The following VPS35L variants were observed in gnomAD, a reference collection of about 807,000 sequenced individuals.
VPS35L encodes VPS35 endosomal protein sorting factor like, also known as VPS35 endosomal protein-sorting factor-like.
A neutral mutation model predicts 133.0 loss-of-function variants in VPS35L; 83 were observed. The observed-to-expected ratio is 0.62, with a 90% CI of 0.52 to 0.75. The LOEUF is 0.75. Ranked by LOEUF, VPS35L falls within the 30% of genes least tolerant of loss-of-function variation. The pLI is 0.00. For synonymous variants in VPS35L, 423 were observed against 449.9 expected, an observed-to-expected ratio of 0.94 and a Z score of 0.76; for missense variants, 1,083 against 1,206.8, an observed-to-expected ratio of 0.90 and a Z score of 1.52.
intron 14 of VPS35L, among the ~76,000 whole-genome samples, chr16:19,622,097 C>G (rs1230193648): frequency 1.3e-5 from 2 of 150,256 alleles, no homozygotes; most frequent in Non-Finnish European, 1.5e-5. Context: ...ATAGTCATCC[C>G]TTGGTATACT....
intron 9 of VPS35L, among the ~76,000 whole-genome samples, chr16:19,603,705 G>A (rs1308098060): frequency 6.6e-6 from 1 of 152,160 alleles, no homozygotes; most frequent in African/African-American, 2.4e-5. Context: ...CCGCTGGCTT[G>A]AGGATTTGGG....
chr16:19,608,101 T>C, intron 9 of VPS35L, 77 bp from the exon 10 acceptor site: 2 of 1,044,082 alleles, frequency 1.9e-6, no homozygotes, highest in Non-Finnish European at 3.0e-6. Flanking sequence ...TGCTCCAGGG[T>C]AATGTATTCC....
chr16:19,569,537 C>A lies in VPS35L; in HGVS notation c.231C>A (p.Asp77Glu). The change falls in exon 3 of 31, where the codon GAC (aspartate) becomes GAA (glutamate). Residue 77 changes from aspartate to glutamate, a missense_variant. Asp to Glu is a conservative substitution (Grantham distance 45). Coordinates refer to ENST00000417362, the MANE Select transcript of VPS35L (RefSeq NM_020314.7). ...TGAGCAGCGTCCTCGATGGGACTGA[C>A]CCCCTCTCCATGTTTGCAGCCACTG... Reference protein sequence around the residue: ...DPLSSVLDGTDPLSMFAATAD... With the variant: ...DPLSSVLDGTEPLSMFAATAD... 6.2e-7 allele frequency: 1 copy of A among 1,602,346 alleles called. No homozygotes were observed. Among genetic ancestry groups the A allele is most frequent in the Non-Finnish European group, 8.5e-7 (1 of 1,174,416 alleles).
At chr16:19,617,017 A>G (rs1228483902) in intron 14 of VPS35L, 4 of 744,666 alleles carry the variant, frequency 5.4e-6, no homozygotes, top group Non-Finnish European at 9.1e-6. Flanking sequence ...TGGAAGGGGA[A>G]TGTGGTAGCT....
intron 26 of VPS35L, among the ~76,000 whole-genome samples, chr16:19,652,937 T>C (rs1016420042): frequency 1.3e-5 from 2 of 152,120 alleles, no homozygotes; most frequent in Non-Finnish European, 2.9e-5. Flanking sequence ...GAGAAGGTGA[T>C]CTCAGTGATA....
At chr16:19,581,413 T>C in intron 6 of VPS35L, 112 bp from the exon 7 acceptor site, 1 of 1,233,368 alleles carries the variant, frequency 8.1e-7, no homozygotes, top group Non-Finnish European at 1.1e-6. Context: ...CTGGCGGGGA[T>C]ATGAGGAAAA....
At chr16:19,697,066 C>T (rs965625475) in intron 29 of VPS35L, among the ~76,000 whole-genome samples, 3 of 152,146 alleles carry the variant, frequency 2.0e-5, no homozygotes, top group Non-Finnish European at 2.9e-5. Flanking sequence ...AGCAGGTGGT[C>T]GCCAGCCAGT....
rs984877978 is a variant in VPS35L, at chr16:19,596,030, G to C, written c.724+4156G>C. Among the ~76,000 whole-genome samples the C allele has an allele frequency of 7.2e-5, 11 of 152,060 alleles. No homozygotes were observed. The South Asian group carries it at 2.3e-3, about 31-fold the overall frequency. On this transcript the variant is annotated intron_variant, in intron 8 of 30. Transcript: ENST00000417362. ...ATGGTGGTGGGCACCTGTAGTCCCA[G>C]CTACTCGGGAAGCTGAGGCAGGAGA...
At chr16:19,590,134 GCCCCGC>G (rs1231186583) in intron 7 of VPS35L, among the ~76,000 whole-genome samples, 10 of 20,654 alleles carry the variant, frequency 4.8e-4, no homozygotes, top group South Asian at 2.8e-3. Flanking sequence ...TTACATTCCC[GCCCCGC>G]CCCCCCCCCC....
chr16:19,697,598 T>C (rs765865077), intron 29 of VPS35L, among the ~76,000 whole-genome samples: 1 of 151,826 alleles, frequency 6.6e-6, no homozygotes, highest in East Asian at 1.9e-4. Context: ...GCAGGCGCCA[T>C]GTGAATTATC....
rs1164270968 is a variant in VPS35L at position 19,691,353 on chromosome 16, T to G, written c.2528T>G (p.Val843Gly). The change falls in exon 29 of 31, where the codon GTG becomes GGG. Residue 843 changes from valine (V) to glycine (G), a missense_variant and splice_region_variant. Transcript: ENST00000417362. ...CTCACTGTTCTTGTTTGTTCAACAG[T>G]GGACTCCAACGACAGCCTCTACGGG... Reference protein sequence around the residue: ...QETYLYHIDKVDSNDSLYGGD... With the variant: ...QETYLYHIDKGDSNDSLYGGD... 6.2e-7 allele frequency: 1 copy of G among 1,611,840 alleles called. No individual in the cohort carries two copies. Among genetic ancestry groups the G allele is most frequent in the South Asian group, 1.1e-5 (1 of 91,024 alleles).
intron 29 of VPS35L, among the ~76,000 whole-genome samples, chr16:19,697,663 A>G (rs1288299343): frequency 2.0e-5 from 3 of 152,126 alleles, no homozygotes; most frequent in East Asian, 1.9e-4. Flanking sequence ...CACCGAGAGT[A>G]GTTGAGAAAA....
chr16:19,559,382 G>T (rs985195474), intron 1 of VPS35L, among the ~76,000 whole-genome samples: 2 of 152,182 alleles, frequency 1.3e-5, no homozygotes, highest in Non-Finnish European at 2.9e-5. Context: ...GGTGTGAAAT[G>T]GTGGCCTTTT....
In VPS35L at chr16:19,611,279, C is replaced by T. The variant is rs370483778; in HGVS notation, c.1023+864C>T. 2.0e-5 allele frequency among the ~76,000 whole-genome samples: 3 copies of T among 152,174 alleles called. No homozygotes were observed. In the East Asian group the frequency reaches 5.8e-4, roughly 29 times the overall value. ...CCTCCCAAAGTGCTGGGATTACAGG[C>T]GTGAGCCACTGCGCCCGGCCAGTAT... is the stretch of plus-strand genomic sequence containing the variant. On this transcript the variant is annotated intron_variant, in intron 12 of 30. Coordinates refer to ENST00000417362, the MANE Select transcript of VPS35L (RefSeq NM_020314.7).
intron 26 of VPS35L, among the ~76,000 whole-genome samples, chr16:19,663,831 A>G (rs1054363928): frequency 6.6e-6 from 1 of 151,952 alleles, no homozygotes; most frequent in African/African-American, 2.4e-5. Flanking sequence ...ATCAAAACAT[A>G]CAGTTTACCT....
chr16:19,587,656 T>C (rs919517254), intron 7 of VPS35L, among the ~76,000 whole-genome samples: 1 of 151,714 alleles, frequency 6.6e-6, no homozygotes, highest in African/African-American at 2.4e-5. Context: ...AAAAAATTAA[T>C]TGACCACTGG....
At chr16:19,642,531 A>ATGTCC in intron 22 of VPS35L, 55 bp downstream of exon 22, 9 of 1,435,994 alleles carry the variant, frequency 6.3e-6, no homozygotes, top group African/African-American at 1.4e-5. Flanking sequence ...ATGCCACCTA[A>ATGTCC]TAGGACATTA....
At chr16:19,655,436 A>G (rs932901646) in intron 26 of VPS35L, among the ~76,000 whole-genome samples, 2 of 152,138 alleles carry the variant, frequency 1.3e-5, no homozygotes, top group African/African-American at 2.4e-5. Flanking sequence ...TTGCCTCCCT[A>G]AACATCCTCC....
intron 27 of VPS35L, among the ~76,000 whole-genome samples, chr16:19,680,483 G>T (rs1174874900): frequency 1.3e-5 from 2 of 152,160 alleles, no homozygotes; most frequent in African/African-American, 4.8e-5. Context: ...AAATGCAATA[G>T]ATGAAGTGCC....
Sources: gnomAD v4.1 joint callset for allele counts (sites outside exome capture counted in the v4.1 genomes callset) on GRCh38, gnomAD v4.1.1 for gene constraint, MANE v1.5 for transcripts, NCBI Gene and HGNC (gene_info 2026-07-23, HGNC 2026-07-21) for gene names.